The following CEP83 variants were observed in gnomAD, a reference collection of about 807,000 sequenced individuals.
CEP83 encodes centrosomal protein of 83 kDa.
Under a neutral mutation model 101.9 loss-of-function variants are expected in CEP83, and 70 were observed. That is an observed-to-expected ratio of 0.69 (90% CI 0.57 to 0.84). CEP83 has a LOEUF of 0.84. Ranked by LOEUF, CEP83 falls within the 40% of genes least tolerant of loss-of-function variation. CEP83 has a pLI of 0.00. For synonymous variants in CEP83, 264 were observed against 267.9 expected, an observed-to-expected ratio of 0.99 and a Z score of 0.14; for missense variants, 715 against 787.2, an observed-to-expected ratio of 0.91 and a Z score of 1.10.
intron 11 of CEP83, among the ~76,000 whole-genome samples, chr12:94,362,136 C>T (rs572630336): frequency 6.6e-6 from 1 of 152,176 alleles, no homozygotes; most frequent in African/African-American, 2.4e-5. Context: ...AAAAATTGTT[C>T]AACATAACTA....
At chr12:94,294,065 C>G in the CEP83 span, among the ~76,000 whole-genome samples, 1 of 152,220 alleles carries the variant, frequency 6.6e-6, no homozygotes. Context: ...CACAAACATT[C>G]AGTCCATAGC....
At chr12:94,347,911 G>C (rs951702182) in intron 11 of CEP83, among the ~76,000 whole-genome samples, 2 of 152,002 alleles carry the variant, frequency 1.3e-5, no homozygotes, top group Non-Finnish European at 1.5e-5. Context: ...TTTATTTTAG[G>C]TACATTAAAT....
chr12:94,444,341 T>C (rs1594106725), intron 1 of CEP83, among the ~76,000 whole-genome samples: 1 of 152,218 alleles, frequency 6.6e-6, no homozygotes, highest in South Asian at 2.1e-4. Context: ...GAGGTTCCAG[T>C]GAGCCGAGAT....
intron 11 of CEP83, among the ~76,000 whole-genome samples, chr12:94,352,021 C>T (rs1191983530): frequency 6.6e-6 from 1 of 152,252 alleles, no homozygotes; most frequent in Non-Finnish European, 1.5e-5. Context: ...CCAAACAATA[C>T]TGCAGGACAA....
the CEP83 span, among the ~76,000 whole-genome samples, chr12:94,265,848 G>A: frequency 2.7e-5 from 4 of 147,272 alleles, no homozygotes; most frequent in South Asian, 2.3e-4. Flanking sequence ...CATCCCCACC[G>A]CACCCACCCC....
chr12:94,432,637 A>C (rs1425485220), intron 2 of CEP83, among the ~76,000 whole-genome samples: 2 of 152,178 alleles, frequency 1.3e-5, no homozygotes, highest in Non-Finnish European at 2.9e-5. Flanking sequence ...TAATGAATAC[A>C]GATATCCAGT....
chr12:94,432,556 G>T (rs1007075569), intron 2 of CEP83, among the ~76,000 whole-genome samples: 2 of 152,148 alleles, frequency 1.3e-5, no homozygotes, highest in African/African-American at 4.8e-5. Context: ...TCTCATGGAG[G>T]TAGAGAATAA....
At chr12:94,305,357 C>G (rs1385824628), downstream of CEP83, 4 of 826,100 alleles carry the variant, frequency 4.8e-6, no homozygotes, top group African/African-American at 6.9e-5. Flanking sequence ...GCTTGAGCTA[C>G]TCTGTGTCGT....
chr12:94,313,492 G>A (rs1593080357), intron 14 of CEP83, among the ~76,000 whole-genome samples: 1 of 139,958 alleles, frequency 7.1e-6, no homozygotes, highest in African/African-American at 2.7e-5. Flanking sequence ...CTATGACTGT[G>A]CCACTCCACC....
chr12:94,360,020 G>GA (rs2060668386), intron 11 of CEP83, among the ~76,000 whole-genome samples: 1 of 152,060 alleles, frequency 6.6e-6, no homozygotes, highest in African/African-American at 2.4e-5. Context: ...ACTGAATGAA[G>GA]AAAAAACGAT....
At chr12:94,316,264 A>C (rs998700882) in intron 14 of CEP83, among the ~76,000 whole-genome samples, 16 of 152,162 alleles carry the variant, frequency 1.1e-4, no homozygotes, top group Non-Finnish European at 2.2e-4. Context: ...TGTAAATGGC[A>C]TTTAAATATT....
At chr12:94,309,892 T>C in intron 16 of CEP83, 26 bp downstream of exon 16, 1 of 1,369,638 alleles carries the variant, frequency 7.3e-7, no homozygotes, top group Non-Finnish European at 9.7e-7. Context: ...CGACTTTTTT[T>C]TTCCCCCTAA....
intron 2 of CEP83, among the ~76,000 whole-genome samples, chr12:94,426,168 G>A (rs1221296965): frequency 6.6e-6 from 1 of 151,222 alleles, no homozygotes; most frequent in Non-Finnish European, 1.5e-5. Context: ...TTGTCTCATT[G>A]CACTAATTAC....
chr12:94,395,129 C>T (rs749112948), intron 6 of CEP83, among the ~76,000 whole-genome samples: 3 of 151,822 alleles, frequency 2.0e-5, no homozygotes, highest in Non-Finnish European at 4.4e-5. Flanking sequence ...GGGTACATAC[C>T]CAAAGGATTA....
At chr12:94,304,741 G>T (rs575926855), downstream of CEP83, among the ~76,000 whole-genome samples, 7 of 152,270 alleles carry the variant, frequency 4.6e-5, no homozygotes, top group Non-Finnish European at 7.4e-5. Flanking sequence ...TCGTTCCAGG[G>T]GTCAGGGGAG....
chr12:94,458,219 C>A (rs1203548028), intron 1 of CEP83, among the ~76,000 whole-genome samples: 2 of 149,510 alleles, frequency 1.3e-5, no homozygotes, highest in African/African-American at 2.4e-5. Flanking sequence ...AAAAAAAAAA[C>A]TACCTGTGAA....
At chr12:94,370,127 C>G (rs759605273) in intron 8 of CEP83, 91 bp from the exon 9 acceptor site, 2 of 730,586 alleles carry the variant, frequency 2.7e-6, no homozygotes. Context: ...AGAAAACGCT[C>G]TGGTAGTAAA....
chr12:94,444,498 G>C (rs181808902), intron 1 of CEP83, among the ~76,000 whole-genome samples: 2 of 152,212 alleles, frequency 1.3e-5, no homozygotes, highest in South Asian at 4.1e-4. Flanking sequence ...TTTTCATTTA[G>C]TAATTCTAAT....
chr12:94,396,942 A>G (rs2137504005), intron 6 of CEP83, among the ~76,000 whole-genome samples: 1 of 152,320 alleles, frequency 6.6e-6, no homozygotes, highest in Non-Finnish European at 1.5e-5. Flanking sequence ...TCTATAAAGT[A>G]TATTTGAAAC....
Sources: gnomAD v4.1 joint callset for allele counts (sites outside exome capture counted in the v4.1 genomes callset) on GRCh38, gnomAD v4.1.1 for gene constraint, MANE v1.5 for transcripts, NCBI Gene and HGNC (gene_info 2026-07-23, HGNC 2026-07-21) for gene names.